The following HHIP variants were observed in gnomAD, a reference collection of about 807,000 sequenced individuals.
The protein encoded by HHIP is hedgehog interacting protein.
A neutral mutation model predicts 74.0 loss-of-function variants in HHIP; 12 were observed. The ratio of observed to expected loss-of-function variants is 0.16; its 90% CI spans 0.10 to 0.26. The LOEUF (loss-of-function observed/expected upper bound fraction) is 0.26, where lower values mean the gene tolerates loss of function less well. HHIP is among the 10% of genes least tolerant of loss of function. HHIP has a pLI of 1.00. For synonymous variants in HHIP, 309 were observed against 311.6 expected, an observed-to-expected ratio of 0.99 and a Z score of 0.09; for missense variants, 788 against 845.0, an observed-to-expected ratio of 0.93 and a Z score of 0.84.
intron 4 of HHIP, chr4:144,660,115 G>A (rs890395916): frequency 5.8e-6 from 3 of 513,218 alleles, no homozygotes; most frequent in East Asian, 3.1e-5. Flanking sequence ...GCTTTATAAA[G>A]TATTGTTTAA....
chr4:144,736,117 A>G (rs1731111426), intron 12 of HHIP, among the ~76,000 whole-genome samples: 1 of 149,192 alleles, frequency 6.7e-6, no homozygotes, highest in African/African-American at 2.5e-5. Flanking sequence ...CTGCCTAACA[A>G]TATCTACTTT....
At chr4:144,655,975 A>C (rs1578677207) in intron 2 of HHIP, among the ~76,000 whole-genome samples, 1 of 152,302 alleles carries the variant, frequency 6.6e-6, no homozygotes, top group Admixed American at 6.5e-5. Context: ...GAACTTAAAA[A>C]AAATACAGCT....
intron 4 of HHIP, among the ~76,000 whole-genome samples, chr4:144,698,768 C>G (rs991219511): frequency 6.6e-6 from 1 of 151,984 alleles, no homozygotes; most frequent in Non-Finnish European, 1.5e-5. Context: ...TCAGAAAAGC[C>G]AAAAGAGTGG....
intron 9 of HHIP, 39 bp downstream of exon 9, chr4:144,714,387 T>A (rs1578718720): frequency 6.2e-7 from 1 of 1,602,352 alleles, no homozygotes; most frequent in Middle Eastern, 1.7e-4. Context: ...ATATACCAAA[T>A]GACATATCCA....
chr4:144,654,589 G>A (rs1663179012), intron 2 of HHIP, among the ~76,000 whole-genome samples: 1 of 152,122 alleles, frequency 6.6e-6, no homozygotes, highest in South Asian at 2.1e-4. Context: ...TATGCTAATC[G>A]ATTTGTTGCC....
At chr4:144,672,771 G>A (rs1470383605) in intron 4 of HHIP, among the ~76,000 whole-genome samples, 22 of 152,034 alleles carry the variant, frequency 1.4e-4, no homozygotes, top group African/African-American at 4.3e-4. Flanking sequence ...GCACAATCTC[G>A]GCTTACTGCA....
Position 144,706,690 on chromosome 4 carries a change from TA to T in HHIP, c.983+12del. 2.5e-6 allele frequency: 4 copies of T among 1,583,964 alleles called. No homozygotes were observed. The highest frequency in any genetic ancestry group is 2.0e-5 in the Admixed American group (1 of 50,660). The stretch of plus-strand genomic sequence containing the variant: ...GGAATACACAGTATCCAGGTATCAC[TA>T]AAAGGCATCGAAGCATAGAAATTTC... On this transcript the variant is annotated intron_variant, in intron 5 of 12. Coordinates refer to ENST00000296575, the MANE Select transcript of HHIP (RefSeq NM_022475.3).
chr4:144,724,293 C>CA (rs1450679414), intron 11 of HHIP, among the ~76,000 whole-genome samples: 2 of 152,022 alleles, frequency 1.3e-5, no homozygotes, highest in Non-Finnish European at 2.9e-5. Flanking sequence ...TAATTTATGA[C>CA]AAAAAACTTT....
chr4:144,702,786 G>C (rs1292286079), intron 4 of HHIP, among the ~76,000 whole-genome samples: 19 of 152,044 alleles, frequency 1.2e-4, no homozygotes, highest in Admixed American at 1.2e-3. Flanking sequence ...TGCTGTCTGT[G>C]CATTCCCAGA....
In HHIP at chr4:144,659,034, T is replaced by C; in HGVS notation, c.629+88T>C. ...TTGACAGTGAATCAACTGTCTGTGCTTATGTTCAGCAGCTATATCCTCCAG... is the reference window on the plus strand; with the variant it reads ...TTGACAGTGAATCAACTGTCTGTGCCTATGTTCAGCAGCTATATCCTCCAG... On this transcript the variant is annotated intron_variant, in intron 3 of 12. Transcript: ENST00000296575. 4 of 1,083,868 alleles carry C rather than the reference T, an allele frequency of 3.7e-6. No individual in the cohort carries two copies. The South Asian group carries it at 6.8e-5, about 18-fold the overall frequency. The allele number at this position is 1,083,868 out of a possible 1,614,324, so 67.1% of individuals were successfully genotyped here.
intron 4 of HHIP, among the ~76,000 whole-genome samples, chr4:144,693,278 C>A (rs1257743677): frequency 6.6e-6 from 1 of 151,854 alleles, no homozygotes; most frequent in African/African-American, 2.4e-5. Context: ...TATGAACATA[C>A]TAGAACACTG....
At chr4:144,698,846 A>C (rs964656345) in intron 4 of HHIP, among the ~76,000 whole-genome samples, 1 of 152,208 alleles carries the variant, frequency 6.6e-6, no homozygotes, top group Non-Finnish European at 1.5e-5. Flanking sequence ...AAACAAGTCA[A>C]GTTCAAGAGT....
chr4:144,702,697 A>G (rs917825137), intron 4 of HHIP, among the ~76,000 whole-genome samples: 1 of 151,634 alleles, frequency 6.6e-6, no homozygotes, highest in Non-Finnish European at 1.5e-5. Flanking sequence ...TTTTTAAAGC[A>G]TTACCAAACT....
chr4:144,734,996 G>C, intron 12 of HHIP, 107 bp downstream of exon 12: 1 of 1,077,398 alleles, frequency 9.3e-7, no homozygotes, highest in Non-Finnish European at 1.3e-6. Flanking sequence ...GTGTTCAAAA[G>C]TATTTAGCCA....
At chr4:144,715,874 C>CTTT (rs1364614424) in intron 10 of HHIP, among the ~76,000 whole-genome samples, 1 of 151,680 alleles carries the variant, frequency 6.6e-6, no homozygotes, top group African/African-American at 2.4e-5. Flanking sequence ...TTTCTTTTTT[C>CTTT]TTTTTGCCCA....
At chr4:144,673,299 A>G (rs532246884) in intron 4 of HHIP, among the ~76,000 whole-genome samples, 1 of 152,220 alleles carries the variant, frequency 6.6e-6, no homozygotes, top group African/African-American at 2.4e-5. Context: ...GGTGTTTCCA[A>G]AATTTATACC....
chr4:144,646,651 C>T lies in HHIP; in HGVS notation c.-25C>T. On this transcript the variant is annotated 5_prime_UTR_variant, in exon 1 of 13. An upstream open reading frame in the 5' UTR gains an earlier in-frame stop. Transcript: ENST00000296575. Reference sequence around the variant, plus strand: ...GCGTTCCCCCCCATCCTCCCGCGCCCAGCCCCTGCTGCTCTGGGCAGACGA... The same window carrying T: ...GCGTTCCCCCCCATCCTCCCGCGCCTAGCCCCTGCTGCTCTGGGCAGACGA... The T allele has an allele frequency of 6.2e-7, 1 of 1,605,008 alleles. No individual in the cohort carries two copies.
In HHIP at chr4:144,743,933, T is replaced by A. The variant is rs1731326006; in HGVS notation, c.*5976T>A. On this transcript the variant is annotated 3_prime_UTR_variant, in exon 13 of 13. Transcript: ENST00000296575. ...AAAACCTATGTTTCTTTACTTTATA[T>A]TCTTAAAATCTGAGACATGATTTTT... is the stretch of plus-strand genomic sequence containing the variant. 6.6e-6 allele frequency: 1 copy of A among 152,138 alleles called. No individual in the cohort carries two copies. Among genetic ancestry groups the A allele is most frequent in the South Asian group, 2.1e-4 (1 of 4,828 alleles). 9.4% of individuals were successfully genotyped at this position (152,138 alleles called of 1,614,324 possible). A position where few individuals can be genotyped will look rare whatever the true frequency, so the allele number is the denominator to read the frequency against.
intron 4 of HHIP, among the ~76,000 whole-genome samples, chr4:144,663,834 A>T (rs765102103): frequency 1.8e-4 from 28 of 152,140 alleles, no homozygotes; most frequent in Non-Finnish European, 3.1e-4. Flanking sequence ...TATATATATA[A>T]AACCTTGTTA....
Sources: gnomAD v4.1 joint callset for allele counts (sites outside exome capture counted in the v4.1 genomes callset) on GRCh38, gnomAD v4.1.1 for gene constraint, MANE v1.5 for transcripts, NCBI Gene and HGNC (gene_info 2026-07-23, HGNC 2026-07-21) for gene names.